PCDHGB3: variants seen among roughly 807,000 people sequenced by gnomAD.
PCDHGB3 encodes protocadherin gamma subfamily B, 3.
In PCDHGB3, 40 loss-of-function variants were observed where a neutral mutation model predicts 59.2. The observed-to-expected ratio is 0.68, with a 90% CI of 0.52 to 0.88. PCDHGB3 has a LOEUF of 0.88. Among genes scored for constraint, PCDHGB3 ranks in the 40% least tolerant of loss-of-function variants. The pLI is 0.00. For synonymous variants in PCDHGB3, 581 were observed against 503.6 expected, an observed-to-expected ratio of 1.15 and a Z score of -2.06; for missense variants, 1,309 against 1,187.9, an observed-to-expected ratio of 1.10 and a Z score of -1.50.
intron 1 of PCDHGB3, chr5:141,421,126 T>G: frequency 1.2e-6 from 1 of 805,588 alleles, no homozygotes; most frequent in Non-Finnish European, 1.9e-6. Context: ...CTTCGCTTTC[T>G]GATATATTTT....
intron 1 of PCDHGB3, among the ~76,000 whole-genome samples, chr5:141,449,229 A>G (rs1356585763): frequency 1.3e-5 from 2 of 152,142 alleles, no homozygotes; most frequent in South Asian, 2.1e-4. Context: ...AATGATTTCA[A>G]ATTTTCAAAG....
intron 1 of PCDHGB3, chr5:141,376,569 G>T: frequency 6.2e-7 from 1 of 1,603,942 alleles, no homozygotes; most frequent in South Asian, 1.1e-5. Flanking sequence ...CAACTAATCA[G>T]ACAGGCTCAT....
chr5:141,419,884 C>A lies in PCDHGB3; in HGVS notation c.2415+47075C>A. 1 of 1,614,088 alleles carries A rather than the reference C, an allele frequency of 6.2e-7. No individual in the cohort carries two copies. The highest frequency in any genetic ancestry group is 8.5e-7 in the Non-Finnish European group (1 of 1,179,896). On this transcript the variant is annotated intron_variant, in intron 1 of 3. Transcript: ENST00000576222. ...GCTTGCAAGAGGTACTGCCGGATTT[C>A]AGCGACCATCCCACACCCTCTGACT... is the stretch of plus-strand genomic sequence containing the variant.
chr5:141,428,773 T>C (rs1036838681), intron 1 of PCDHGB3: 1 of 154,174 alleles, frequency 6.5e-6, no homozygotes, highest in Admixed American at 6.4e-5. Context: ...CCACTCTTAA[T>C]ATTTCCTGTT....
At position 141,372,341 on chromosome 5, in the gene PCDHGB3, A is replaced by T; in HGVS notation, c.1947A>T (p.Gly649=). 1 of 1,613,800 alleles carries T rather than the reference A, an allele frequency of 6.2e-7. No individual in the cohort carries two copies. Among genetic ancestry groups the T allele is most frequent in the Non-Finnish European group, 8.5e-7 (1 of 1,179,902 alleles). ...RQRLLVTVRD[G]GQQPLSATVM... ...GCCTGCTGGTCACTGTGCGTGATGG[A>T]GGACAGCAGCCTCTTTCAGCCACCG... Residue 649 remains glycine (G), a synonymous_variant, in exon 1 of 4, where the codon GGA becomes GGT. Coordinates refer to ENST00000576222, the MANE Select transcript of PCDHGB3 (RefSeq NM_018924.5).
Position 141,399,060 on chromosome 5 carries a change from T to C in PCDHGB3, c.2415+26251T>C, listed in dbSNP as rs903637711. 1.9e-5 allele frequency: 31 copies of C among 1,613,868 alleles called. No homozygotes were observed. In the African/African-American group the frequency reaches 2.8e-4, roughly 15 times the overall value. ...TGGATTTTGAAGAGACCAAGGAATA[T>C]TCAATGGTTGTAGAAGGGAGGGATG... On this transcript the variant is annotated intron_variant, in intron 1 of 3. Coordinates refer to ENST00000576222, the MANE Select transcript of PCDHGB3 (RefSeq NM_018924.5).
At chr5:141,423,695 G>T in intron 1 of PCDHGB3, 1 of 1,338,020 alleles carries the variant, frequency 7.5e-7, no homozygotes, top group Non-Finnish European at 9.7e-7. Context: ...AATTGTTGGT[G>T]TCTTGGCACA....
At chr5:141,415,747 T>G (rs774746065) in intron 1 of PCDHGB3, 22 of 797,580 alleles carry the variant, frequency 2.8e-5, no homozygotes, top group Middle Eastern at 5.1e-4. Context: ...AAGGTTTTTT[T>G]TTTTTTTTTT....
chr5:141,486,416 C>T lies in PCDHGB3; in HGVS notation c.2416-8391C>T, dbSNP rs2154580601. The T allele has an allele frequency of 6.2e-7, 1 of 1,614,152 alleles. No individual in the cohort carries two copies. The highest frequency in any genetic ancestry group is 8.5e-7 in the Non-Finnish European group (1 of 1,180,016). On this transcript the variant is annotated intron_variant, in intron 1 of 3. Coordinates refer to ENST00000576222, the MANE Select transcript of PCDHGB3 (RefSeq NM_018924.5). This position sits in a 1 kb window ranked among gnomAD's most constrained non-coding sequence, Gnocchi z 5.0. ...CCTGGTGACTGCTGGACCCTTGGAT[C>T]GAGAGGCCAAATCTAGCTATGACAT...
At chr5:141,427,808 G>C (rs756554301) in intron 1 of PCDHGB3, 1 of 1,522,948 alleles carries the variant, frequency 6.6e-7, no homozygotes, top group Non-Finnish European at 9.0e-7. Context: ...TGAGCGCACA[G>C]AGCGGGGTGG....
intron 1 of PCDHGB3, among the ~76,000 whole-genome samples, chr5:141,373,419 A>G (rs562017784): frequency 6.6e-6 from 1 of 152,336 alleles, no homozygotes; most frequent in African/African-American, 2.4e-5. Flanking sequence ...GCTACTCGGG[A>G]GGCTGAGGTG....
intron 1 of PCDHGB3, chr5:141,395,935 A>T (rs950567838): frequency 6.6e-6 from 1 of 152,118 alleles, no homozygotes; most frequent in Non-Finnish European, 1.5e-5. Context: ...TAGAATGTCC[A>T]TTGCTCCCCC....
intron 1 of PCDHGB3, 58 bp from the exon 2 acceptor site, chr5:141,494,749 G>A (rs573811540): frequency 2.9e-5 from 47 of 1,612,698 alleles, no homozygotes; most frequent in Non-Finnish European, 3.6e-5. Flanking sequence ...CTAGGGGCTC[G>A]GGTGACATTC....
chr5:141,471,046 CTTTTT>C (rs1170588345), intron 1 of PCDHGB3, among the ~76,000 whole-genome samples: 2 of 113,276 alleles, frequency 1.8e-5, no homozygotes, highest in Non-Finnish European at 3.6e-5. Context: ...CCCAAGCCCT[CTTTTT>C]TTTTTTTTTT....
At chr5:141,419,803 T>C (rs2096436352) in intron 1 of PCDHGB3, 3 of 1,614,026 alleles carry the variant, frequency 1.9e-6, no homozygotes, top group Non-Finnish European at 2.5e-6. Context: ...CTGTAAGAGA[T>C]GGAGGACAGC....
chr5:141,422,775 T>G (rs1179216247), intron 1 of PCDHGB3: 1 of 1,614,046 alleles, frequency 6.2e-7, no homozygotes, highest in Non-Finnish European at 8.5e-7. Context: ...GTGTTCTCTA[T>G]GCCCTACAAT....
Position 141,427,474 on chromosome 5 carries a change from A to T in PCDHGB3, c.2415+54665A>T, listed in dbSNP as rs373512099. On this transcript the variant is annotated intron_variant, in intron 1 of 3. Transcript: ENST00000576222. The stretch of plus-strand genomic sequence containing the variant: ...CCTTTTAGAATCGAATCTTCCGCCA[A>T]TAATGACTATAAGCTTGTAACAGAT... 10 of 520,294 alleles carry T rather than the reference A, an allele frequency of 1.9e-5. No individual in the cohort carries two copies. In the East Asian group the frequency reaches 2.1e-4, roughly 11 times the overall value. The allele number at this position is 520,294 out of a possible 1,614,324, so 32.2% of individuals were successfully genotyped here. A position where few individuals can be genotyped will look rare whatever the true frequency, so the allele number is the denominator to read the frequency against.
At chr5:141,495,437 C>T (rs2099761356) in intron 2 of PCDHGB3, among the ~76,000 whole-genome samples, 1 of 152,178 alleles carries the variant, frequency 6.6e-6, no homozygotes, top group East Asian at 1.9e-4. Flanking sequence ...GTCCTCTGCC[C>T]CTACTTGTCC....
chr5:141,388,424 GATAA>G, intron 1 of PCDHGB3: 1 of 1,613,812 alleles, frequency 6.2e-7, no homozygotes, highest in Non-Finnish European at 8.5e-7. Context: ...ATTTCTCACT[GATAA>G]ATAAAGAGAA....
Sources: allele counts gnomAD v4.1 joint callset (sites outside exome capture counted in the v4.1 genomes callset), GRCh38; gene constraint gnomAD v4.1.1; non-coding constraint Gnocchi (gnomAD v3.1); transcripts MANE v1.5; gene names NCBI Gene and HGNC (gene_info 2026-07-23, HGNC 2026-07-21).